The following P2RY8 variants were observed in gnomAD, a reference collection of about 807,000 sequenced individuals.
P2RY8 encodes the protein S-geranylgeranyl-glutathione receptor P2RY8.
In P2RY8, 6 loss-of-function variants were observed where a neutral mutation model predicts 10.0. The observed-to-expected ratio is 0.60, with a 90% CI of 0.33 to 1.19. The LOEUF (loss-of-function observed/expected upper bound fraction) is 1.19, where lower values mean the gene tolerates loss of function less well. P2RY8 is among the 50% of genes most tolerant of loss of function. The probability of loss-of-function intolerance (pLI) is 0.04; values close to 1 mark genes in which losing one functional copy is unlikely to be tolerated. For synonymous variants in P2RY8, 276 were observed against 252.5 expected, an observed-to-expected ratio of 1.09 and a Z score of -0.88; for missense variants, 456 against 542.0, an observed-to-expected ratio of 0.84 and a Z score of 1.58.
intron 1 of P2RY8, among the ~76,000 whole-genome samples, chrX:1,516,688 G>C (rs1276314516): frequency 2.0e-5 from 3 of 151,658 alleles, no homozygotes; most frequent in Admixed American, 6.6e-5. Context: ...ATCAACGTTT[G>C]TTGTGTATAA....
At chrX:1,525,364 T>G (rs1298718066) in intron 1 of P2RY8, among the ~76,000 whole-genome samples, 2 of 152,150 alleles carry the variant, frequency 1.3e-5, no homozygotes, top group African/African-American at 2.4e-5. Flanking sequence ...CCTATGGGAC[T>G]GGGGTCCTTC....
chrX:1,466,150 G>C lies in P2RY8; in HGVS notation c.409C>G (p.Arg137Gly). ...GCACACGCGGCCACCGCGTAACGAC[G>C]GCGGCGCCAGCGCTTGGAGCTGAGC... Reference protein sequence around the residue: ...YPLSSKRWRRRRYAVAACAGT... With the variant: ...YPLSSKRWRRGRYAVAACAGT... Residue 137 changes from arginine (R) to glycine (G), a missense_variant, in exon 2 of 2, where the codon CGT becomes GGT. Transcript: ENST00000381297. 6.2e-7 allele frequency: 1 copy of C among 1,611,968 alleles called. No individual in the cohort carries two copies. The highest frequency in any genetic ancestry group is 8.5e-7 in the Non-Finnish European group (1 of 1,179,244).
chrX:1,497,456 G>A (rs1177695727), intron 1 of P2RY8, among the ~76,000 whole-genome samples: 7 of 151,562 alleles, frequency 4.6e-5, no homozygotes, highest in African/African-American at 1.7e-4. Flanking sequence ...TTGGGAGTTT[G>A]AGACCAGCCT....
In P2RY8 at chrX:1,466,477, C is replaced by G. The variant is rs2091678403; in HGVS notation, c.82G>C (p.Val28Leu). The G allele has an allele frequency of 6.2e-7, 1 of 1,611,816 alleles. No individual in the cohort carries two copies. The highest frequency in any genetic ancestry group is 1.3e-5 in the African/African-American group (1 of 74,890). ...ACCGCCGCCACCAGCGAGTACACCA[C>G]GGGCAGGGCCACCGCGATCGCCGGG... is the stretch of plus-strand genomic sequence containing the variant. ...RNPAIAVALPVVYSLVAAVSI... is the reference protein window; with the variant it reads ...RNPAIAVALPLVYSLVAAVSI... The change falls in exon 2 of 2, where the codon GTG (valine) becomes CTG (leucine). Residue 28 changes from valine (V) to leucine (L), a missense_variant. Val to Leu is a conservative substitution (Grantham distance 32). Transcript: ENST00000381297.
chrX:1,477,289 CT>C (rs1365587999), intron 1 of P2RY8, among the ~76,000 whole-genome samples: 5 of 70,888 alleles, frequency 7.1e-5, no homozygotes, highest in Middle Eastern at 9.3e-3. Context: ...CATCTATCAT[CT>C]ATCTATATCA....
chrX:1,511,275 T>C (rs1206806018), intron 1 of P2RY8, among the ~76,000 whole-genome samples: 2 of 152,238 alleles, frequency 1.3e-5, no homozygotes, highest in Admixed American at 6.5e-5. Context: ...CCCAAGTGAA[T>C]GTGGAACTTC....
chrX:1,498,361 G>C (rs1486693708), intron 1 of P2RY8, among the ~76,000 whole-genome samples: 11 of 138,868 alleles, frequency 7.9e-5, no homozygotes, highest in Non-Finnish European at 9.3e-5. Flanking sequence ...AGCCGAGATC[G>C]CGCCACTGCA....
intron 1 of P2RY8, among the ~76,000 whole-genome samples, chrX:1,530,412 C>A (rs1375095744): frequency 6.6e-6 from 1 of 151,364 alleles, no homozygotes; most frequent in Non-Finnish European, 1.5e-5. Context: ...TCTATTAATG[C>A]ACCTATGTAT....
chrX:1,506,184 G>C (rs1204891302), intron 1 of P2RY8, among the ~76,000 whole-genome samples: 7 of 151,650 alleles, frequency 4.6e-5, no homozygotes, highest in South Asian at 4.1e-4. Flanking sequence ...GTAGAGACGG[G>C]GTTTTGCCAT....
chrX:1,536,240 C>T (rs1408984289), intron 1 of P2RY8, among the ~76,000 whole-genome samples: 2 of 151,762 alleles, frequency 1.3e-5, no homozygotes, highest in African/African-American at 2.4e-5. Context: ...TCAAGAGAGG[C>T]GCATTTCATG....
At chrX:1,526,513 C>T (rs2092441359) in intron 1 of P2RY8, among the ~76,000 whole-genome samples, 1 of 152,022 alleles carries the variant, frequency 6.6e-6, no homozygotes, top group Non-Finnish European at 1.5e-5. Flanking sequence ...TTCAGTCATC[C>T]ATGCATGGAT....
rs759510472 is a variant in P2RY8, at chrX:1,465,899, C to T, written c.660G>A (p.Leu220=). 2 of 1,612,562 alleles carry T rather than the reference C, an allele frequency of 1.2e-6. No individual in the cohort carries two copies. Among genetic ancestry groups the T allele is most frequent in the Non-Finnish European group, 8.5e-7 (1 of 1,179,750 alleles). Residue 220 remains leucine, a synonymous_variant, in exon 2 of 2, where the codon CTG becomes CTA. Coordinates refer to ENST00000381297, the MANE Select transcript of P2RY8 (RefSeq NM_178129.5). ...VACYTATILK[L]LRTEEAHGRE... ...GGCCGTGCGCCTCCTCCGTGCGCAA[C>T]AGCTTGAGGATGGTGGCCGTGTAAC... is the stretch of plus-strand genomic sequence containing the variant.
intron 1 of P2RY8, among the ~76,000 whole-genome samples, chrX:1,509,246 GTATC>G (rs1428464670): frequency 5.6e-5 from 8 of 141,664 alleles, no homozygotes; most frequent in South Asian, 2.2e-4. Context: ...TATCATCTAT[GTATC>G]TATCTGTCTA....
intron 1 of P2RY8, among the ~76,000 whole-genome samples, chrX:1,494,806 A>G (rs1308832637): frequency 2.0e-5 from 3 of 152,068 alleles, no homozygotes; most frequent in East Asian, 1.9e-4. Context: ...CCCAGGTTCA[A>G]ATGATTCTGC....
At position 1,534,553 on chromosome X, in the gene P2RY8, A is replaced by T. The variant is rs781432423; in HGVS notation, c.-25+2368T>A. On this transcript the variant is annotated intron_variant, in intron 1 of 1. Coordinates refer to ENST00000381297, the MANE Select transcript of P2RY8 (RefSeq NM_178129.5). ...AGCAGGGTTCCAGGTGGACACTGGG[A>T]TCCCTGGACCCTGCCCCGCCCACCC... Among the ~76,000 whole-genome samples the T allele has an allele frequency of 1.8e-4, 28 of 152,080 alleles. 1 individual carries two copies. The highest frequency in any genetic ancestry group is 5.8e-4 in the African/African-American group (24 of 41,506).
rs188311268 is a variant in P2RY8 at position 1,486,572 on chromosome X, G to A, written c.-24-19990C>T. Among the ~76,000 whole-genome samples, 109 of 152,298 alleles carry A rather than the reference G, an allele frequency of 7.2e-4. 1 individual carries two copies. Among genetic ancestry groups the A allele is most frequent in the Admixed American group, 5.6e-3 (85 of 15,286 alleles). ...TGGCTGGGACTGGGGATGGGGAAAC[G>A]GGGAGTGACTTTCCCCCTAAAGGGG... On this transcript the variant is annotated intron_variant, in intron 1 of 1. Transcript: ENST00000381297.
At chrX:1,483,756 C>T (rs1181175249) in intron 1 of P2RY8, among the ~76,000 whole-genome samples, 18 of 152,060 alleles carry the variant, frequency 1.2e-4, no homozygotes, top group Non-Finnish European at 2.1e-4. Flanking sequence ...AGACCCAGAG[C>T]TGAGCTCCCC....
At chrX:1,516,655 T>A in intron 1 of P2RY8, among the ~76,000 whole-genome samples, 1 of 151,306 alleles carries the variant, frequency 6.6e-6, no homozygotes, top group Non-Finnish European at 1.5e-5. Flanking sequence ...ATCTCAGACC[T>A]CCAGCTCCAG....
At chrX:1,524,924 C>CCATCCAT (rs1395356249) in intron 1 of P2RY8, among the ~76,000 whole-genome samples, 11,262 of 101,788 alleles carry the variant, frequency 0.11, 722 homozygotes, top group Middle Eastern at 0.16. Flanking sequence ...CATCCATCCA[C>CCATCCAT]CCACCCATCC....
Sources: gnomAD v4.1 joint callset for allele counts (sites outside exome capture counted in the v4.1 genomes callset) on GRCh38, gnomAD v4.1.1 for gene constraint, MANE v1.5 for transcripts, NCBI Gene and HGNC (gene_info 2026-07-23, HGNC 2026-07-21) for gene names.